BCAR3: variants seen among roughly 807,000 people sequenced by gnomAD.
BCAR3 encodes breast cancer anti-estrogen resistance protein 3.
A neutral mutation model predicts 80.1 loss-of-function variants in BCAR3; 37 were observed. The ratio of observed to expected loss-of-function variants is 0.46; its 90% CI spans 0.36 to 0.61. BCAR3 has a LOEUF of 0.61. Ranked by LOEUF, BCAR3 falls within the 20% of genes least tolerant of loss-of-function variation. The pLI is 0.00. For missense variants in BCAR3, 978 were observed against 1,068.2 expected (o/e 0.92, Z 1.18); for synonymous variants, 389 against 418.9 (o/e 0.93, Z 0.87).
At chr1:93,825,346 ACC>A (rs1271010262) in intron 2 of BCAR3, among the ~76,000 whole-genome samples, 1 of 130,608 alleles carries the variant, frequency 7.7e-6, no homozygotes, top group African/African-American at 2.6e-5. Flanking sequence ...CATCCTACCC[ACC>A]CTACTTTCCT....
At chr1:93,631,782 C>A (rs1675628125) in intron 3 of BCAR3, among the ~76,000 whole-genome samples, 1 of 152,190 alleles carries the variant, frequency 6.6e-6, no homozygotes, top group African/African-American at 2.4e-5. Flanking sequence ...TGGTCTTATT[C>A]CTCTCACTGG....
At chr1:93,726,992 T>C (rs1256391153) in intron 2 of BCAR3, among the ~76,000 whole-genome samples, 1 of 152,248 alleles carries the variant, frequency 6.6e-6, no homozygotes. Context: ...TCTTGGGTTG[T>C]CTTTTTGATT....
At chr1:93,774,483 C>CAAAA (rs368408896) in intron 2 of BCAR3, among the ~76,000 whole-genome samples, 1,820 of 124,402 alleles carry the variant, frequency 0.015, 39 homozygotes, top group African/African-American at 0.052. Flanking sequence ...GATTCTGTTT[C>CAAAA]AAAAAAAAAA....
intron 2 of BCAR3, among the ~76,000 whole-genome samples, chr1:93,656,108 G>A (rs927770284): frequency 7.2e-5 from 11 of 152,154 alleles, no homozygotes; most frequent in African/African-American, 2.4e-4. Context: ...TCTGCTATCA[G>A]TCTAATTGTT....
intron 4 of BCAR3, among the ~76,000 whole-genome samples, chr1:93,591,787 G>A (rs1412830710): frequency 6.6e-6 from 1 of 152,222 alleles, no homozygotes; most frequent in African/African-American, 2.4e-5. Context: ...GGGAAGTGAT[G>A]GAGAGTGTGA....
chr1:93,777,375 CTCCTCTTCTTCT>C (rs1652594595), intron 2 of BCAR3, among the ~76,000 whole-genome samples: 2 of 115,198 alleles, frequency 1.7e-5, no homozygotes, highest in Non-Finnish European at 3.6e-5. Flanking sequence ...CTTCTTCTTC[CTCCTCTTCTTCT>C]TCCTCTTCTT....
chr1:93,724,545 G>C (rs962100338), intron 2 of BCAR3, among the ~76,000 whole-genome samples: 2 of 152,226 alleles, frequency 1.3e-5, no homozygotes, highest in Non-Finnish European at 2.9e-5. Flanking sequence ...TCACACTGCA[G>C]AAAATGCCTG....
chr1:93,762,887 C>G (rs1557680056), intron 2 of BCAR3, among the ~76,000 whole-genome samples: 1 of 152,162 alleles, frequency 6.6e-6, no homozygotes, highest in Non-Finnish European at 1.5e-5. Flanking sequence ...CAAATCTCCT[C>G]TCTTCTCTCC....
intron 3 of BCAR3, among the ~76,000 whole-genome samples, chr1:93,607,031 C>T (rs1277540628): frequency 6.6e-6 from 1 of 152,062 alleles, no homozygotes; most frequent in Non-Finnish European, 1.5e-5. Context: ...ACTGTGTTAA[C>T]TTACAAGTGA....
rs1192520853 is a variant in BCAR3 at position 93,824,101 on chromosome 1, T to G, written c.-63+21466A>C. Among the ~76,000 whole-genome samples, 2 of 133,916 alleles carry G rather than the reference T, an allele frequency of 1.5e-5. 1 individual carries two copies. The highest frequency in any genetic ancestry group is 3.4e-5 in the Non-Finnish European group (2 of 59,218). 87.9% of individuals were successfully genotyped at this position (133,916 alleles called of 152,430 possible). On this transcript the variant is annotated intron_variant, in intron 2 of 13. Transcript: ENST00000370244. ...CAGGGAGTCTGTCTTGTTTTCGGTA[T>G]TCCTAGTAGACATTCAACTAATGTT...
chr1:93,786,467 G>C (rs534568213), intron 2 of BCAR3, among the ~76,000 whole-genome samples: 1 of 152,174 alleles, frequency 6.6e-6, no homozygotes, highest in South Asian at 2.1e-4. Context: ...AGACCATGGA[G>C]AGCAGAGACA....
intron 2 of BCAR3, among the ~76,000 whole-genome samples, chr1:93,719,478 C>G (rs1321221721): frequency 6.6e-6 from 1 of 150,822 alleles, no homozygotes; most frequent in Non-Finnish European, 1.5e-5. Flanking sequence ...GTAGCTGGGA[C>G]TACAGGCGCC....
chr1:93,580,347 T>C (rs771077508), intron 7 of BCAR3, among the ~76,000 whole-genome samples: 3 of 151,982 alleles, frequency 2.0e-5, no homozygotes, highest in Non-Finnish European at 2.9e-5. Flanking sequence ...GAGCTACAAA[T>C]AAAAAAGGGC....
intron 3 of BCAR3, among the ~76,000 whole-genome samples, chr1:93,640,514 G>T (rs921533711): frequency 6.6e-6 from 1 of 152,090 alleles, no homozygotes; most frequent in African/African-American, 2.4e-5. Context: ...GGTACCCTTC[G>T]GAATACCTCA....
Position 93,609,542 on chromosome 1 carries a change from T to C in BCAR3, c.358-17149A>G, listed in dbSNP as rs556732592. ...GACAAAGTGACAAGTTTCAGCTCCT[T>C]TGTCCCCTGTCCACAAAAATACCTA... On this transcript the variant is annotated intron_variant, in intron 3 of 11. Coordinates refer to ENST00000260502, the MANE Select transcript of BCAR3 (RefSeq NM_003567.4). Among the ~76,000 whole-genome samples the C allele has an allele frequency of 7.9e-5, 12 of 152,328 alleles. No individual in the cohort carries two copies. The South Asian group carries it at 2.5e-3, about 32-fold the overall frequency.
intron 3 of BCAR3, among the ~76,000 whole-genome samples, chr1:93,699,282 G>C (rs1048160579): frequency 6.6e-6 from 1 of 152,134 alleles, no homozygotes; most frequent in African/African-American, 2.4e-5. Flanking sequence ...GTTTCCCTTC[G>C]GGGGAGAGAA....
rs1214988270 is a variant in BCAR3 at position 93,774,812 on chromosome 1, A to G, written c.-62-68670T>C. 3.3e-5 allele frequency among the ~76,000 whole-genome samples: 5 copies of G among 152,180 alleles called. No individual in the cohort carries two copies. The East Asian group carries it at 9.6e-4, about 29-fold the overall frequency. The stretch of plus-strand genomic sequence containing the variant: ...GAAAAGCTTTGCTGAAGTGAAATGT[A>G]TTTGTCTGTGGCCAGGTTACTCAAA... On this transcript the variant is annotated intron_variant, in intron 2 of 13. Transcript: ENST00000370244.
intron 2 of BCAR3, among the ~76,000 whole-genome samples, chr1:93,721,838 C>T (rs1650414868): frequency 6.6e-6 from 1 of 152,374 alleles, no homozygotes; most frequent in South Asian, 2.1e-4. Context: ...TCTGTTTCCA[C>T]CACCTACTAG....
chr1:93,608,956 C>A (rs1180590158), intron 3 of BCAR3, among the ~76,000 whole-genome samples: 1 of 152,200 alleles, frequency 6.6e-6, no homozygotes, highest in Non-Finnish European at 1.5e-5. Context: ...GCAACTCAGG[C>A]CATCGTCAAT....
Sources: allele counts gnomAD v4.1 joint callset (sites outside exome capture counted in the v4.1 genomes callset), GRCh38; gene constraint gnomAD v4.1.1; transcripts MANE v1.5; gene names NCBI Gene and HGNC (gene_info 2026-07-23, HGNC 2026-07-21).